SMO: variants seen among roughly 807,000 people sequenced by gnomAD.
SMO encodes the protein protein smoothened.
Under a neutral mutation model 81.6 loss-of-function variants are expected in SMO, and 40 were observed. The observed-to-expected ratio is 0.49, with a 90% CI of 0.38 to 0.64. The LOEUF is 0.64. Among genes scored for constraint, SMO ranks in the 30% least tolerant of loss-of-function variants. The pLI is 0.00. For synonymous variants in SMO, 434 were observed against 432.1 expected (o/e 1.00, Z -0.05); for missense variants, 916 against 1,061.1 (o/e 0.86, Z 1.90).
At chr7:129,205,463 A>G (rs2150648707) in intron 3 of SMO, 51 bp downstream of exon 3, 1 of 1,577,166 alleles carries the variant, frequency 6.3e-7, no homozygotes, top group Non-Finnish European at 8.7e-7. Flanking sequence ...GAACGTGGGA[A>G]GAGAGCCAGA....
intron 2 of SMO, among the ~76,000 whole-genome samples, chr7:129,204,744 G>A (rs577511477): frequency 2.6e-4 from 39 of 152,178 alleles, no homozygotes; most frequent in African/African-American, 7.0e-4. Context: ...CTGGCCGGGC[G>A]CAGTGGCTCA....
intron 1 of SMO, among the ~76,000 whole-genome samples, chr7:129,192,595 C>T (rs1449622880): frequency 3.9e-5 from 6 of 152,046 alleles, no homozygotes; most frequent in Non-Finnish European, 7.4e-5. Context: ...GCGGTTGGGA[C>T]TGGGTAGCAG....
intron 2 of SMO, among the ~76,000 whole-genome samples, 187 bp from the exon 3 acceptor site, chr7:129,205,016 A>AAAAGAAAG (rs10668861): frequency 1.1e-4 from 16 of 151,082 alleles, no homozygotes; most frequent in South Asian, 2.1e-4. Context: ...AAGAAAGAAA[A>AAAAGAAAG]AAAGAAAGAA....
intron 3 of SMO, 67 bp downstream of exon 3, chr7:129,205,479 G>C: frequency 1.3e-6 from 2 of 1,557,974 alleles, no homozygotes; most frequent in Non-Finnish European, 1.8e-6. Flanking sequence ...CCAGAGGGAA[G>C]GGGGGCAAAG....
intron 1 of SMO, among the ~76,000 whole-genome samples, chr7:129,198,207 C>T (rs1370240461): frequency 6.6e-6 from 1 of 152,164 alleles, no homozygotes; most frequent in Non-Finnish European, 1.5e-5. Context: ...CCACCTTGGG[C>T]CTCCCAAAAT....
At chr7:129,209,747 A>T (rs1013748004) in intron 8 of SMO, 19 of 261,874 alleles carry the variant, frequency 7.3e-5, no homozygotes, top group Non-Finnish European at 2.2e-5. Context: ...ATCCTGGCAC[A>T]GGACTAGTTA....
intron 1 of SMO, among the ~76,000 whole-genome samples, chr7:129,190,362 T>TCC (rs1461499482): frequency 6.6e-6 from 1 of 152,088 alleles, no homozygotes; most frequent in Non-Finnish European, 1.5e-5. Flanking sequence ...GAGTATACTC[T>TCC]CCCCCACCTG....
intron 1 of SMO, among the ~76,000 whole-genome samples, chr7:129,202,845 G>A (rs962414082): frequency 2.0e-5 from 3 of 152,156 alleles, no homozygotes; most frequent in African/African-American, 4.8e-5. Context: ...AATCCACCCC[G>A]GGGAGCTCTA....
intron 2 of SMO, among the ~76,000 whole-genome samples, chr7:129,204,928 C>T (rs1480178912): frequency 1.3e-5 from 2 of 151,642 alleles, no homozygotes; most frequent in African/African-American, 4.9e-5. Context: ...GAGAATTGCC[C>T]GGGAGGCAGA....
Position 129,212,074 on chromosome 7 carries a change from C to T in SMO, c.1987C>T (p.Pro663Ser), listed in dbSNP as rs1380849654. ...NLWLVEAEIS[P>S]ELQKRLGRKK... ...GTGGCTGGTTGAGGCAGAGATCTCC[C>T]CAGAGCTGCAGAAGCGCCTGGGCCG... The change falls in exon 12 of 12, where the codon CCA (proline) becomes TCA (serine). Residue 663 changes from proline (P) to serine (S), a missense_variant. By Grantham distance (74) the Pro-to-Ser change is moderately conservative (BLOSUM62 -1). Coordinates refer to ENST00000249373, the MANE Select transcript of SMO (RefSeq NM_005631.5). This position sits in a 1 kb window ranked among gnomAD's most constrained non-coding sequence, Gnocchi z 5.0. The T allele has an allele frequency of 6.3e-7, 1 of 1,588,496 alleles. No homozygotes were observed. Among genetic ancestry groups the T allele is most frequent in the Non-Finnish European group, 8.5e-7 (1 of 1,172,622 alleles).
intron 1 of SMO, among the ~76,000 whole-genome samples, chr7:129,194,694 G>A (rs1288811461): frequency 6.6e-6 from 1 of 152,212 alleles, no homozygotes; most frequent in Non-Finnish European, 1.5e-5. Context: ...ATAATATGCT[G>A]TGCATATTAT....
chr7:129,195,972 G>T (rs1482853118), intron 1 of SMO, among the ~76,000 whole-genome samples: 2 of 151,808 alleles, frequency 1.3e-5, no homozygotes, highest in East Asian at 3.9e-4. Context: ...GCGGTGGTGG[G>T]CGCCTGTAGT....
Position 129,189,633 on chromosome 7 carries a change from A to G in SMO, c.331+151A>G. 1 of 846,238 alleles carries G rather than the reference A, an allele frequency of 1.2e-6. No individual in the cohort carries two copies. The allele number at this position is 846,238 out of a possible 1,614,324, so 52.4% of individuals were successfully genotyped here. ...GGACAGATCCCGAAACTTTGGGGGC[A>G]GGTTACGTGCAGGATGGGACCCTCG... is the stretch of plus-strand genomic sequence containing the variant. On this transcript the variant is annotated intron_variant, in intron 1 of 11. Coordinates refer to ENST00000249373, the MANE Select transcript of SMO (RefSeq NM_005631.5). This position sits in a 1 kb window ranked among gnomAD's most constrained non-coding sequence, Gnocchi z 4.7.
At position 129,206,516 on chromosome 7, in the gene SMO, G is replaced by A. The variant is rs760560948; in HGVS notation, c.1193G>A (p.Arg398Gln). ...GICFVGYKNY[R>Q]YRAGFVLAPI... ...TGTTTTGTGGGCTACAAGAACTACC[G>A]ATACCGTGCGGGCTTCGTGCTGGCC... Residue 398 changes from arginine to glutamine, a missense_variant, in exon 6 of 12, where the codon CGA (arginine) becomes CAA (glutamine). Physicochemically the swap from Arg to Gln is conservative, Grantham distance 43 (BLOSUM62 1). Transcript: ENST00000249373. This position sits in a 1 kb window ranked among gnomAD's most constrained non-coding sequence, Gnocchi z 4.4. 26 of 1,614,042 alleles carry A rather than the reference G, an allele frequency of 1.6e-5. No homozygotes were observed. The highest frequency in any genetic ancestry group is 1.2e-4 in the Admixed American group (7 of 60,004).
Position 129,213,160 on chromosome 7 carries a change from A to C in SMO, c.*709A>C, listed in dbSNP as rs1473526755. The C allele has an allele frequency of 2.1e-5, 5 of 234,070 alleles. No individual in the cohort carries two copies. Among genetic ancestry groups the C allele is most frequent in the Non-Finnish European group, 3.4e-5 (4 of 118,956 alleles). The allele number at this position is 234,070 out of a possible 1,614,324, so 14.5% of individuals were successfully genotyped here. On this transcript the variant is annotated 3_prime_UTR_variant, in exon 12 of 12. Coordinates refer to ENST00000249373, the MANE Select transcript of SMO (RefSeq NM_005631.5). ...GGACCCAGAGCTGCTGCACACACTC[A>C]CCTCTAACCCCCTCCCCTCGCTGCT... is the stretch of plus-strand genomic sequence containing the variant.
rs901798538 is a variant in SMO at position 129,206,067 on chromosome 7, G to T, written c.921-83G>T. 8.5e-7 allele frequency: 1 copy of T among 1,173,978 alleles called. No homozygotes were observed. Among genetic ancestry groups the T allele is most frequent in the East Asian group, 2.4e-5 (1 of 42,472 alleles). 72.7% of individuals were successfully genotyped at this position (1,173,978 alleles called of 1,614,324 possible). On this transcript the variant is annotated intron_variant, in intron 4 of 11. Transcript: ENST00000249373. This position sits in a 1 kb window ranked among gnomAD's most constrained non-coding sequence, Gnocchi z 4.4. ...TGGGAACCTCCAGACCTCAGCAGCT[G>T]AGGGTCTGGGCACAGGGTGGGGAGA...
chr7:129,198,818 C>A (rs2718107), intron 1 of SMO, among the ~76,000 whole-genome samples: 73,235 of 152,046 alleles, frequency 0.48, 18,217 homozygotes, highest in Non-Finnish European at 0.55. Flanking sequence ...CTCTGATGTT[C>A]ACACAAAGAT....
chr7:129,204,961 G>A (rs559552693), intron 2 of SMO, among the ~76,000 whole-genome samples: 2 of 151,944 alleles, frequency 1.3e-5, no homozygotes, highest in Non-Finnish European at 2.9e-5. Context: ...CTGAGATCAC[G>A]CCACTGCACT....
chr7:129,191,332 G>A (rs1037849896), intron 1 of SMO, among the ~76,000 whole-genome samples: 2 of 152,236 alleles, frequency 1.3e-5, no homozygotes, highest in African/African-American at 4.8e-5. Flanking sequence ...GTATCAATTA[G>A]TACCATCTGC....
Sources: gnomAD v4.1 joint callset for allele counts (sites outside exome capture counted in the v4.1 genomes callset) on GRCh38, gnomAD v4.1.1 for gene constraint, Gnocchi (gnomAD v3.1) non-coding constraint, MANE v1.5 for transcripts, NCBI Gene and HGNC (gene_info 2026-07-23, HGNC 2026-07-21) for gene names.